The following FAR2 variants were observed in gnomAD, a reference collection of about 807,000 sequenced individuals.
The protein encoded by FAR2 is fatty acyl-CoA reductase 2.
Under a neutral mutation model 56.0 loss-of-function variants are expected in FAR2, and 19 were observed. The ratio of observed to expected loss-of-function variants is 0.34; its 90% CI spans 0.24 to 0.50. FAR2 has a LOEUF of 0.50. Ranked by LOEUF, FAR2 falls within the 20% of genes least tolerant of loss-of-function variation. FAR2 has a pLI of 0.98. For synonymous variants in FAR2, 219 were observed against 218.8 expected (o/e 1.00, Z -0.01); for missense variants, 508 against 642.2 (o/e 0.79, Z 2.26).
intron 2 of FAR2, among the ~76,000 whole-genome samples, chr12:29,286,681 C>T (rs904612184): frequency 6.6e-6 from 1 of 152,076 alleles, no homozygotes; most frequent in Non-Finnish European, 1.5e-5. Flanking sequence ...CACTGTGTTG[C>T]CTTTAGCATT....
At chr12:29,159,313 C>T (rs1049230929) in intron 1 of FAR2, among the ~76,000 whole-genome samples, 18 of 152,068 alleles carry the variant, frequency 1.2e-4, no homozygotes, top group East Asian at 9.7e-4. Flanking sequence ...CCAAGGCGGG[C>T]GGATCATGAG....
chr12:29,239,788 A>T (rs554002464), intron 1 of FAR2, among the ~76,000 whole-genome samples: 8 of 152,324 alleles, frequency 5.3e-5, no homozygotes, highest in African/African-American at 1.7e-4. Flanking sequence ...AATTCTTCTA[A>T]GTAGATGATT....
Position 29,270,440 on chromosome 12 carries a change from G to A in FAR2, c.-10G>A, listed in dbSNP as rs369390126. The A allele has an allele frequency of 6.5e-6, 10 of 1,530,750 alleles. No homozygotes were observed. The African/African-American group carries it at 1.4e-4, about 21-fold the overall frequency. 94.8% of individuals were successfully genotyped at this position (1,530,750 alleles called of 1,614,324 possible). A position where few individuals can be genotyped will look rare whatever the true frequency, so the allele number is the denominator to read the frequency against. On this transcript the variant is annotated 5_prime_UTR_variant, in exon 2 of 12. Coordinates refer to ENST00000536681, the MANE Select transcript of FAR2 (RefSeq NM_001271783.2). Reference sequence around the variant, plus strand: ...CCTCTTTCAGGAGCTATAAAAGAAAGGGAGGAATCATGTCCACAATTGCAG... The same window carrying A: ...CCTCTTTCAGGAGCTATAAAAGAAAAGGAGGAATCATGTCCACAATTGCAG...
intron 1 of FAR2, among the ~76,000 whole-genome samples, chr12:29,201,514 A>T (rs1359166583): frequency 2.0e-5 from 3 of 152,116 alleles, no homozygotes; most frequent in Admixed American, 2.0e-4. Context: ...CTTCCTCTAT[A>T]TGTAGACTTG....
At chr12:29,253,877 C>G (rs1262761915) in intron 1 of FAR2, among the ~76,000 whole-genome samples, 1 of 152,132 alleles carries the variant, frequency 6.6e-6, no homozygotes, top group East Asian at 1.9e-4. Flanking sequence ...AGTAGACATT[C>G]AATACATGTG....
chr12:29,251,882 G>T (rs1211042868), intron 1 of FAR2, among the ~76,000 whole-genome samples: 1 of 152,106 alleles, frequency 6.6e-6, no homozygotes, highest in Non-Finnish European at 1.5e-5. Flanking sequence ...AGATCAAGGG[G>T]TGAATGTCAG....
intron 2 of FAR2, among the ~76,000 whole-genome samples, chr12:29,274,630 C>CCTTA (rs1292550783): frequency 1.3e-5 from 2 of 152,024 alleles, no homozygotes; most frequent in African/African-American, 4.8e-5. Context: ...CCGGTTCCTG[C>CCTTA]CTTAACTGAT....
At chr12:29,174,833 A>G (rs1327048536) in intron 1 of FAR2, among the ~76,000 whole-genome samples, 1 of 152,178 alleles carries the variant, frequency 6.6e-6, no homozygotes, top group Non-Finnish European at 1.5e-5. Flanking sequence ...ATAGAAGGGC[A>G]AGTCTCACTT....
At chr12:29,191,551 A>G (rs571266655) in intron 1 of FAR2, among the ~76,000 whole-genome samples, 1 of 152,380 alleles carries the variant, frequency 6.6e-6, no homozygotes, top group South Asian at 2.1e-4. Flanking sequence ...CACTAAAAAC[A>G]AATGCAACAT....
intron 1 of FAR2, among the ~76,000 whole-genome samples, chr12:29,248,315 G>A (rs903021521): frequency 6.6e-6 from 1 of 152,112 alleles, no homozygotes; most frequent in Non-Finnish European, 1.5e-5. Context: ...CGGCCAGCTT[G>A]AGAAATAAAG....
At chr12:29,270,725 AAGTGGGGACC>A in intron 2 of FAR2, 87 bp downstream of exon 2, 1 of 1,189,252 alleles carries the variant, frequency 8.4e-7, no homozygotes, top group South Asian at 2.3e-5. Flanking sequence ...CTCATATTGC[AAGTGGGGACC>A]AGGCTACCTG....
chr12:29,170,380 C>CTA (rs1949873470), intron 1 of FAR2, among the ~76,000 whole-genome samples: 1 of 152,174 alleles, frequency 6.6e-6, no homozygotes, highest in African/African-American at 2.4e-5. Context: ...GTTAGGAAGG[C>CTA]TATGGGTTGT....
At chr12:29,168,214 A>G (rs1281211168) in intron 1 of FAR2, among the ~76,000 whole-genome samples, 2 of 152,166 alleles carry the variant, frequency 1.3e-5, no homozygotes, top group African/African-American at 4.8e-5. Context: ...CTCGCTCCAT[A>G]AAAGGGAAGC....
At chr12:29,243,612 A>G (rs1252396292) in intron 1 of FAR2, among the ~76,000 whole-genome samples, 2 of 152,104 alleles carry the variant, frequency 1.3e-5, no homozygotes, top group Non-Finnish European at 2.9e-5. Flanking sequence ...GCAGATGTGG[A>G]GAAGCTCAGG....
At chr12:29,271,222 C>A (rs1948612604) in intron 2 of FAR2, among the ~76,000 whole-genome samples, 4 of 152,052 alleles carry the variant, frequency 2.6e-5, no homozygotes, top group Admixed American at 1.3e-4. Flanking sequence ...GGATATCAAA[C>A]CCTCTCTCCT....
chr12:29,264,084 G>C (rs138445989), intron 1 of FAR2, among the ~76,000 whole-genome samples: 1 of 151,984 alleles, frequency 6.6e-6, no homozygotes, highest in African/African-American at 2.4e-5. Flanking sequence ...CAAAATACTA[G>C]CAAACTGAAA....
rs183219738 is a variant in FAR2 at position 29,320,205 on chromosome 12, T to G, written c.1128-1590T>G. Among the ~76,000 whole-genome samples, 300 of 152,292 alleles carry G rather than the reference T, an allele frequency of 2.0e-3. 1 individual carries two copies. The highest frequency in any genetic ancestry group is 6.9e-3 in the African/African-American group (288 of 41,560). Reference sequence around the variant, plus strand: ...CTGGGCAATAAAGCGAGACCCTGTCTCAGACAAACAATAAAGACCTTCTCT... The same window carrying G: ...CTGGGCAATAAAGCGAGACCCTGTCGCAGACAAACAATAAAGACCTTCTCT... On this transcript the variant is annotated intron_variant, in intron 9 of 11. Coordinates refer to ENST00000536681, the MANE Select transcript of FAR2 (RefSeq NM_001271783.2).
intron 1 of FAR2, among the ~76,000 whole-genome samples, chr12:29,176,738 T>A (rs1054568261): frequency 1.3e-5 from 2 of 152,156 alleles, no homozygotes; most frequent in Non-Finnish European, 2.9e-5. Flanking sequence ...TTGAATTCAG[T>A]GTGTAAACAT....
intron 1 of FAR2, among the ~76,000 whole-genome samples, chr12:29,266,854 A>G (rs1948525435): frequency 6.6e-6 from 1 of 152,154 alleles, no homozygotes; most frequent in Non-Finnish European, 1.5e-5. Flanking sequence ...CTAAAATTTT[A>G]GATCATACCT....
Sources: gnomAD v4.1 joint callset for allele counts (sites outside exome capture counted in the v4.1 genomes callset) on GRCh38, gnomAD v4.1.1 for gene constraint, MANE v1.5 for transcripts, NCBI Gene and HGNC (gene_info 2026-07-23, HGNC 2026-07-21) for gene names.